SRRM3: variants seen among roughly 807,000 people sequenced by gnomAD.
SRRM3 encodes the protein serine/arginine repetitive matrix 3, also known as serine/arginine repetitive matrix protein 3.
In SRRM3, 27 loss-of-function variants were observed where a neutral mutation model predicts 66.2. The ratio of observed to expected loss-of-function variants is 0.41; its 90% CI spans 0.30 to 0.56. The LOEUF (loss-of-function observed/expected upper bound fraction) is 0.56, where lower values mean the gene tolerates loss of function less well. SRRM3 is among the 20% of genes least tolerant of loss of function. The probability of loss-of-function intolerance (pLI) is 0.32; values close to 1 mark genes in which losing one functional copy is unlikely to be tolerated. For synonymous variants in SRRM3, 391 were observed against 414.9 expected, an observed-to-expected ratio of 0.94 and a Z score of 0.70; for missense variants, 918 against 991.9, an observed-to-expected ratio of 0.93 and a Z score of 1.00.
At chr7:76,224,549 C>T (rs1390056392) in intron 1 of SRRM3, among the ~76,000 whole-genome samples, 2 of 152,006 alleles carry the variant, frequency 1.3e-5, no homozygotes, top group Non-Finnish European at 2.9e-5. Context: ...CCTGTTACCG[C>T]AAGAAAGGAT....
intron 2 of SRRM3, among the ~76,000 whole-genome samples, chr7:76,238,553 C>G (rs1801203137): frequency 6.6e-6 from 1 of 151,918 alleles, no homozygotes; most frequent in Non-Finnish European, 1.5e-5. Context: ...AGTCTGCAAT[C>G]ACCGCGGGGC....
At chr7:76,261,724 G>T in intron 8 of SRRM3, 143 bp downstream of exon 8, 1 of 926,356 alleles carries the variant, frequency 1.1e-6, no homozygotes, top group Non-Finnish European at 1.7e-6. Flanking sequence ...CAGGCTGCGG[G>T]GACAGGGCAG....
chr7:76,276,381 T>A (rs898681090), intron 11 of SRRM3, among the ~76,000 whole-genome samples: 3 of 152,008 alleles, frequency 2.0e-5, no homozygotes, highest in Admixed American at 6.6e-5. Flanking sequence ...AAAGCTGAAA[T>A]GTGAGTGGGA....
chr7:76,277,733 A>AGG (rs1802388291), intron 11 of SRRM3, among the ~76,000 whole-genome samples: 1 of 144,976 alleles, frequency 6.9e-6, no homozygotes, highest in Non-Finnish European at 1.5e-5. Flanking sequence ...AAAAAAAAAA[A>AGG]AAGAGAGAGA....
chr7:76,232,349 G>A (rs1297092013), intron 1 of SRRM3, among the ~76,000 whole-genome samples: 3 of 152,058 alleles, frequency 2.0e-5, no homozygotes, highest in Non-Finnish European at 2.9e-5. Context: ...GAGGAGGGCA[G>A]ATCACTTGAG....
chr7:76,210,434 TTC>T (rs1488050754), intron 1 of SRRM3, among the ~76,000 whole-genome samples: 1 of 152,212 alleles, frequency 6.6e-6, no homozygotes, highest in Non-Finnish European at 1.5e-5. Flanking sequence ...TGCTGTCTTC[TTC>T]TCTCTCCTGC....
chr7:76,263,269 C>T (rs573749648), intron 8 of SRRM3, among the ~76,000 whole-genome samples: 2 of 152,324 alleles, frequency 1.3e-5, no homozygotes, highest in East Asian at 1.9e-4. Context: ...CCATAGCCTC[C>T]GGGCCTTCCC....
intron 2 of SRRM3, among the ~76,000 whole-genome samples, chr7:76,246,292 G>A (rs781948320): frequency 9.9e-5 from 15 of 152,036 alleles, no homozygotes; most frequent in Admixed American, 2.6e-4. Context: ...GGCCGGGTGC[G>A]TTGTCTCACG....
At chr7:76,282,405 C>G (rs1307667743) in intron 12 of SRRM3, among the ~76,000 whole-genome samples, 1 of 147,266 alleles carries the variant, frequency 6.8e-6, no homozygotes, top group Non-Finnish European at 1.5e-5. Flanking sequence ...TGATCACTCT[C>G]CCCCCATCCC....
intron 11 of SRRM3, among the ~76,000 whole-genome samples, chr7:76,274,746 G>A (rs1283649091): frequency 6.6e-6 from 1 of 152,162 alleles, no homozygotes; most frequent in Non-Finnish European, 1.5e-5. Context: ...TGGACCCTAG[G>A]GGACCCCACC....
chr7:76,205,296 G>C (rs1800268228), intron 1 of SRRM3, among the ~76,000 whole-genome samples: 1 of 152,006 alleles, frequency 6.6e-6, no homozygotes, highest in Non-Finnish European at 1.5e-5. Context: ...TGCAACCTCT[G>C]CCTCCTGGGT....
intron 1 of SRRM3, among the ~76,000 whole-genome samples, chr7:76,215,042 CAAA>C (rs11357454): frequency 7.2e-5 from 7 of 96,558 alleles, no homozygotes; most frequent in East Asian, 2.8e-4. Context: ...TATATTCACT[CAAA>C]AAAAAAAAAA....
At chr7:76,225,368 G>A (rs1800833649) in intron 1 of SRRM3, among the ~76,000 whole-genome samples, 2 of 152,186 alleles carry the variant, frequency 1.3e-5, no homozygotes, top group African/African-American at 4.8e-5. Flanking sequence ...ACCTTTGAGC[G>A]TGTGGAGGCT....
At chr7:76,244,326 A>C (rs562540347) in intron 2 of SRRM3, among the ~76,000 whole-genome samples, 1 of 152,048 alleles carries the variant, frequency 6.6e-6, no homozygotes, top group Non-Finnish European at 1.5e-5. Flanking sequence ...GGAGTTTGAG[A>C]CCAGCCTGGC....
At chr7:76,205,160 C>G (rs1800263235) in intron 1 of SRRM3, among the ~76,000 whole-genome samples, 1 of 152,150 alleles carries the variant, frequency 6.6e-6, no homozygotes, top group Non-Finnish European at 1.5e-5. Flanking sequence ...TCCACACTGA[C>G]CCAGCGCCTC....
chr7:76,249,420 C>T (rs1554606628), intron 3 of SRRM3, among the ~76,000 whole-genome samples: 1 of 152,070 alleles, frequency 6.6e-6, no homozygotes, highest in Admixed American at 6.6e-5. Flanking sequence ...TGAGGTCACG[C>T]CTCTGCCGCC....
rs1378072897 is a variant in SRRM3 at position 76,281,796 on chromosome 7, G to A, written c.1364G>A (p.Gly455Glu). The A allele has an allele frequency of 7.2e-7, 1 of 1,379,412 alleles. No homozygotes were observed. Among genetic ancestry groups the A allele is most frequent in the Non-Finnish European group, 9.4e-7 (1 of 1,067,566 alleles). 85.4% of individuals were successfully genotyped at this position (1,379,412 alleles called of 1,614,324 possible). A position where few individuals can be genotyped will look rare whatever the true frequency, so the allele number is the denominator to read the frequency against. The change falls in exon 12 of 15, where the codon GGG (glycine) becomes GAG (glutamate). Residue 455 changes from glycine (G) to glutamate (E), a missense_variant. Transcript: ENST00000611745. ...PGSERGHGGH[G>E]KRAKERPPRA... The stretch of plus-strand genomic sequence containing the variant: ...TCTGAGCGAGGCCACGGCGGACACG[G>A]GAAACGGTGAGCGTGCTGGACCCGG...
At chr7:76,262,738 A>G (rs1176607362) in intron 8 of SRRM3, among the ~76,000 whole-genome samples, 2 of 151,854 alleles carry the variant, frequency 1.3e-5, no homozygotes, top group African/African-American at 4.8e-5. Context: ...ATCGCTTGAT[A>G]CTGGGAGGAG....
At chr7:76,268,315 G>C (rs1202146708) in intron 11 of SRRM3, 1 of 144,344 alleles carries the variant, frequency 6.9e-6, no homozygotes, top group Admixed American at 7.3e-5. Flanking sequence ...TCCCCTTCTG[G>C]TCTGTTGATT....
Sources: gnomAD v4.1 joint callset for allele counts (sites outside exome capture counted in the v4.1 genomes callset) on GRCh38, gnomAD v4.1.1 for gene constraint, MANE v1.5 for transcripts, NCBI Gene and HGNC (gene_info 2026-07-23, HGNC 2026-07-21) for gene names.